Variants in PRICKLE2 observed in about 807,000 individuals in gnomAD.
PRICKLE2 encodes prickle planar cell polarity protein 2, also known as prickle-like protein 2.
In PRICKLE2, 21 loss-of-function variants were observed where a neutral mutation model predicts 81.4. The ratio of observed to expected loss-of-function variants is 0.26; its 90% CI spans 0.18 to 0.37. The LOEUF is 0.37. Among genes scored for constraint, PRICKLE2 ranks in the 10% least tolerant of loss-of-function variants. The pLI is 1.00. For synonymous variants in PRICKLE2, 456 were observed against 421.5 expected (o/e 1.08, Z -1.00); for missense variants, 940 against 1,109.0 (o/e 0.85, Z 2.16).
intron 2 of PRICKLE2, among the ~76,000 whole-genome samples, chr3:64,251,826 T>C (rs1184589519): frequency 2.0e-5 from 3 of 152,214 alleles, no homozygotes; most frequent in Non-Finnish European, 4.4e-5. Flanking sequence ...GCTAAGAACA[T>C]TTCACATCAT....
At chr3:64,262,956 C>G (rs1300360793) in intron 2 of PRICKLE2, among the ~76,000 whole-genome samples, 1 of 152,128 alleles carries the variant, frequency 6.6e-6, no homozygotes, top group Non-Finnish European at 1.5e-5. Context: ...TGTTCTGTGG[C>G]ACATTAAGAG....
chr3:64,146,492 C>G (rs563655783), intron 7 of PRICKLE2: 1 of 305,852 alleles, frequency 3.3e-6, no homozygotes, highest in East Asian at 7.7e-5. Flanking sequence ...GCCTGTAATC[C>G]TACCACTTTG....
At chr3:64,172,945 T>G (rs2077958521) in intron 2 of PRICKLE2, among the ~76,000 whole-genome samples, 1 of 152,214 alleles carries the variant, frequency 6.6e-6, no homozygotes, top group Admixed American at 6.5e-5. Context: ...CTTGAGCTTT[T>G]GGACTCCAGA....
chr3:64,157,276 G>A lies in PRICKLE2; in HGVS notation c.486C>T (p.Cys162=). 1 of 1,614,220 alleles carries A rather than the reference G, an allele frequency of 6.2e-7. No individual in the cohort carries two copies. Among genetic ancestry groups the A allele is most frequent in the Non-Finnish European group, 8.5e-7 (1 of 1,180,030 alleles). Residue 162 remains cysteine, a synonymous_variant, in exon 5 of 8, where the codon TGC becomes TGT. Coordinates refer to ENST00000638394, the MANE Select transcript of PRICKLE2 (RefSeq NM_198859.4). ...CCACCAGGAGCTCATTGCAGACAGT[G>A]CATACGAAGCACGGCGGGTGCCAGC... The part of the protein sequence containing the change: ...GVCWHPPCFV[C]TVCNELLVDL...
At chr3:64,246,166 T>A (rs190507964) in intron 2 of PRICKLE2, among the ~76,000 whole-genome samples, 1 of 152,082 alleles carries the variant, frequency 6.6e-6, no homozygotes, top group Non-Finnish European at 1.5e-5. Context: ...TGCTTGAACC[T>A]GGGAGGCAGA....
intron 2 of PRICKLE2, among the ~76,000 whole-genome samples, chr3:64,242,804 T>G (rs2079287237): frequency 6.6e-6 from 1 of 152,254 alleles, no homozygotes; most frequent in South Asian, 2.1e-4. Flanking sequence ...CCAGCATTAA[T>G]GATGGGGCCA....
upstream of PRICKLE2, among the ~76,000 whole-genome samples, chr3:64,226,733 A>T (rs978315174): frequency 1.3e-5 from 2 of 152,230 alleles, no homozygotes; most frequent in Non-Finnish European, 2.9e-5. Flanking sequence ...TTCCATGGTC[A>T]TCTTTAATTG....
At chr3:64,251,705 T>C (rs2079449205) in intron 2 of PRICKLE2, among the ~76,000 whole-genome samples, 3 of 152,206 alleles carry the variant, frequency 2.0e-5, no homozygotes, top group South Asian at 2.1e-4. Flanking sequence ...GTGCCTTTCA[T>C]CTTGATTTGC....
At position 64,163,139 on chromosome 3, in the gene PRICKLE2, A is replaced by C; in HGVS notation, c.145-10T>G. On this transcript the variant is annotated splice_polypyrimidine_tract_variant and intron_variant, in intron 2 of 7. Transcript: ENST00000638394. ...TATAGTACTGGTGTACCTGAAGGAC[A>C]GAAAGCATATAGATGACTTGCCCAT... 2 of 1,513,110 alleles carry C rather than the reference A, an allele frequency of 1.3e-6. No individual in the cohort carries two copies. Among genetic ancestry groups the C allele is most frequent in the Non-Finnish European group, 1.8e-6 (2 of 1,087,866 alleles). The allele number at this position is 1,513,110 out of a possible 1,614,324, so 93.7% of individuals were successfully genotyped here.
chr3:64,144,586 A>G (rs2077414762), intron 7 of PRICKLE2, among the ~76,000 whole-genome samples: 1 of 152,234 alleles, frequency 6.6e-6, no homozygotes, highest in African/African-American at 2.4e-5. Flanking sequence ...TCCTTGCTGT[A>G]AGGGGCAGAC....
At chr3:64,201,701 C>T (rs1209833829) in intron 1 of PRICKLE2, among the ~76,000 whole-genome samples, 1 of 152,034 alleles carries the variant, frequency 6.6e-6, no homozygotes, top group Non-Finnish European at 1.5e-5. Flanking sequence ...TGTCTTTTCA[C>T]TTTCTTGATG....
intron 2 of PRICKLE2, chr3:64,163,354 T>G: frequency 1.7e-6 from 1 of 584,316 alleles, no homozygotes; most frequent in Non-Finnish European, 3.1e-6. Flanking sequence ...CCTCTCTCTG[T>G]GAGGGAAAAA....
chr3:64,226,254 C>G (rs2079030126), upstream of PRICKLE2, among the ~76,000 whole-genome samples: 1 of 152,168 alleles, frequency 6.6e-6, no homozygotes. Context: ...TTTCCTAGAC[C>G]TCAGATAGAG....
At chr3:64,220,355 T>A (rs2078932752) in intron 1 of PRICKLE2, among the ~76,000 whole-genome samples, 1 of 152,194 alleles carries the variant, frequency 6.6e-6, no homozygotes. Flanking sequence ...GGAGGGTGAC[T>A]TGAAGACAAT....
intron 2 of PRICKLE2, among the ~76,000 whole-genome samples, chr3:64,198,211 A>T (rs1446896311): frequency 1.4e-5 from 2 of 145,088 alleles, no homozygotes; most frequent in South Asian, 2.2e-4. Flanking sequence ...GACTCTATCT[A>T]AAATAAATAA....
At position 64,267,055 on chromosome 3, in the gene PRICKLE2, C is replaced by T. The variant is rs533770610; in HGVS notation, c.129-68088G>A. ...CTGAAACCTCATCTTTTAAATCTTA[C>T]CCAGCACCTACCCACAATCTTTCCT... On this transcript the variant is annotated intron_variant, in intron 2 of 8. Coordinates refer to the PRICKLE2 transcript ENST00000295902. Among the ~76,000 whole-genome samples the T allele has an allele frequency of 5.9e-5, 9 of 152,136 alleles. No individual in the cohort carries two copies. In the East Asian group the frequency reaches 1.7e-3, roughly 29 times the overall value.
chr3:64,166,115 TTCTC>T (rs934727125), intron 2 of PRICKLE2, among the ~76,000 whole-genome samples: 4 of 152,236 alleles, frequency 2.6e-5, no homozygotes, highest in African/African-American at 9.6e-5. Flanking sequence ...CAAGTTTCTG[TTCTC>T]TCTGAGCCCA....
rs750828226 is a variant in PRICKLE2 at position 64,153,289 on chromosome 3, G to A, written c.680C>T (p.Thr227Ile). The A allele has an allele frequency of 1.4e-5, 22 of 1,614,070 alleles. No homozygotes were observed. In the Middle Eastern group the frequency reaches 4.9e-4, roughly 36 times the overall value. ...MKHFCCFECETVLGGQRYIMK... is the reference protein window; with the variant it reads ...MKHFCCFECEIVLGGQRYIMK... Reference sequence around the variant, plus strand: ...GATGTAGCGCTGGCCGCCCAGCACTGTCTCACACTCGAAGCAGCAAAAGTG... The same window carrying A: ...GATGTAGCGCTGGCCGCCCAGCACTATCTCACACTCGAAGCAGCAAAAGTG... The change falls in exon 6 of 8, where the codon ACA becomes ATA. Residue 227 changes from threonine (T) to isoleucine (I), a missense_variant. Coordinates refer to ENST00000638394, the MANE Select transcript of PRICKLE2 (RefSeq NM_198859.4).
chr3:64,131,431 C>A (rs561918822), intron 7 of PRICKLE2, among the ~76,000 whole-genome samples: 1 of 152,172 alleles, frequency 6.6e-6, no homozygotes, highest in African/African-American at 2.4e-5. Flanking sequence ...GCCCTGATAA[C>A]AATCTGCCAT....
Sources: allele counts gnomAD v4.1 joint callset (sites outside exome capture counted in the v4.1 genomes callset), GRCh38; gene constraint gnomAD v4.1.1; transcripts MANE v1.5; gene names NCBI Gene and HGNC (gene_info 2026-07-23, HGNC 2026-07-21).